The following MBNL2 variants were observed in gnomAD, a reference collection of about 807,000 sequenced individuals.
MBNL2 encodes the protein muscleblind-like protein 2.
A neutral mutation model predicts 41.9 loss-of-function variants in MBNL2; 17 were observed. The ratio of observed to expected loss-of-function variants is 0.41; its 90% CI spans 0.28 to 0.61. The LOEUF (loss-of-function observed/expected upper bound fraction) is 0.61. MBNL2 is among the 20% of genes least tolerant of loss of function. The pLI, the probability that MBNL2 is intolerant of heterozygous loss-of-function variation, is 0.35. For synonymous variants in MBNL2, 195 were observed against 182.9 expected (o/e 1.07, Z -0.53); for missense variants, 336 against 505.6 (o/e 0.66, Z 3.22).
the MBNL2 span, among the ~76,000 whole-genome samples, chr13:97,163,081 A>C: frequency 6.6e-6 from 1 of 152,300 alleles, no homozygotes; most frequent in African/African-American, 2.4e-5. Flanking sequence ...AACAACACCA[A>C]CAACAAAGAA....
At chr13:97,369,963 T>G (rs192791667) in intron 8 of MBNL2, among the ~76,000 whole-genome samples, 75 of 152,272 alleles carry the variant, frequency 4.9e-4, no homozygotes, top group African/African-American at 1.7e-3. Context: ...CTAATAGTAA[T>G]AATATTATTA....
In MBNL2 at chr13:97,346,034, GATTA is replaced by G. The variant is rs1290146587; in HGVS notation, c.541-762_541-759del. On this transcript the variant is annotated intron_variant, in intron 4 of 8. Coordinates refer to ENST00000679496, the MANE Select transcript of MBNL2 (RefSeq NM_001382683.1). The surrounding 1 kb of genome is among the most constrained non-coding windows in gnomAD (Gnocchi z 4.2). ...AGGTAGGTAACTAGATTAGATAGAT[GATTA>G]ATTAATTGATAGATTTTAGATAGAT... Among the ~76,000 whole-genome samples the G allele has an allele frequency of 2.0e-5, 3 of 152,092 alleles. No homozygotes were observed. Among genetic ancestry groups the G allele is most frequent in the Non-Finnish European group, 2.9e-5 (2 of 68,020 alleles).
chr13:97,186,237 G>A, the MBNL2 span, among the ~76,000 whole-genome samples: 7 of 152,120 alleles, frequency 4.6e-5, no homozygotes, highest in Admixed American at 1.3e-4. Context: ...GCATGCTACC[G>A]TAGATGCTTA....
At chr13:97,156,518 T>G in the MBNL2 span, among the ~76,000 whole-genome samples, 2 of 135,802 alleles carry the variant, frequency 1.5e-5, no homozygotes, top group African/African-American at 5.7e-5. Context: ...CTAGGGTTTT[T>G]ATGGTTTTAG....
chr13:97,376,561 C>CT (rs1213034116), intron 8 of MBNL2, among the ~76,000 whole-genome samples: 3 of 152,260 alleles, frequency 2.0e-5, no homozygotes, highest in Admixed American at 6.5e-5. Flanking sequence ...CCTATCATTG[C>CT]TCCCCTTGCT....
chr13:97,176,957 GA>G, the MBNL2 span, among the ~76,000 whole-genome samples: 29 of 151,872 alleles, frequency 1.9e-4, no homozygotes, highest in Middle Eastern at 3.4e-3. Context: ...TTGAAGGGCA[GA>G]AAAAAAATAT....
At chr13:97,161,788 T>G in the MBNL2 span, among the ~76,000 whole-genome samples, 16 of 152,210 alleles carry the variant, frequency 1.1e-4, no homozygotes, top group Non-Finnish European at 1.8e-4. Context: ...TGCCGTGAGC[T>G]GTACAGATTA....
At chr13:97,200,756 A>G in the MBNL2 span, among the ~76,000 whole-genome samples, 1 of 152,242 alleles carries the variant, frequency 6.6e-6, no homozygotes, top group South Asian at 2.1e-4. Flanking sequence ...AAATATTTTA[A>G]ACTAAGTAGG....
the MBNL2 span, among the ~76,000 whole-genome samples, chr13:97,201,053 T>C: frequency 6.6e-6 from 1 of 152,088 alleles, no homozygotes; most frequent in African/African-American, 2.4e-5. Flanking sequence ...CTCTCACTCA[T>C]CAAGCTAATG....
chr13:97,371,150 T>C (rs2064336615), intron 8 of MBNL2, among the ~76,000 whole-genome samples: 1 of 152,228 alleles, frequency 6.6e-6, no homozygotes, highest in Non-Finnish European at 1.5e-5. Context: ...ATTTGTTTAG[T>C]ATTTTTTATT....
chr13:97,186,112 T>C, the MBNL2 span, among the ~76,000 whole-genome samples: 1 of 152,212 alleles, frequency 6.6e-6, no homozygotes, highest in Non-Finnish European at 1.5e-5. Context: ...CCTGGGATTC[T>C]AGCCCAGGAA....
chr13:97,164,629 T>A, the MBNL2 span, among the ~76,000 whole-genome samples: 1 of 152,194 alleles, frequency 6.6e-6, no homozygotes, highest in Non-Finnish European at 1.5e-5. Flanking sequence ...GAAACTTTTT[T>A]TTTTTGGTAA....
chr13:97,343,620 G>A (rs889421656), intron 4 of MBNL2, among the ~76,000 whole-genome samples: 5 of 152,140 alleles, frequency 3.3e-5, no homozygotes, highest in African/African-American at 1.2e-4. Flanking sequence ...AGCAACCAGG[G>A]CAGCCGAGGA....
chr13:97,194,956 A>G, the MBNL2 span, among the ~76,000 whole-genome samples: 2 of 152,224 alleles, frequency 1.3e-5, no homozygotes, highest in Non-Finnish European at 1.5e-5. Context: ...ATCAAAAAGT[A>G]ACCATAAAAA....
At chr13:97,316,143 C>T (rs1256615958) in intron 2 of MBNL2, among the ~76,000 whole-genome samples, 5 of 152,156 alleles carry the variant, frequency 3.3e-5, no homozygotes, top group Non-Finnish European at 5.9e-5. Flanking sequence ...TTCTGCACCT[C>T]GACTGATGAC....
chr13:97,364,964 G>A (rs1040768127), intron 7 of MBNL2, among the ~76,000 whole-genome samples, 172 bp from the exon 8 acceptor site: 2 of 152,200 alleles, frequency 1.3e-5, no homozygotes, highest in Non-Finnish European at 2.9e-5. Flanking sequence ...CTTAAAATAA[G>A]TCAGATATAT....
chr13:97,339,376 A>G (rs1363216989), intron 3 of MBNL2, among the ~76,000 whole-genome samples: 2 of 152,000 alleles, frequency 1.3e-5, no homozygotes, highest in Non-Finnish European at 2.9e-5. Context: ...GGGAAGGTGG[A>G]GTAGAGAACA....
the MBNL2 span, among the ~76,000 whole-genome samples, chr13:97,186,399 A>G: frequency 6.6e-6 from 1 of 151,534 alleles, no homozygotes; most frequent in Non-Finnish European, 1.5e-5. Context: ...TGTACACTCT[A>G]TTTTCCTGCT....
chr13:97,201,462 A>G, the MBNL2 span, among the ~76,000 whole-genome samples: 1 of 152,204 alleles, frequency 6.6e-6, no homozygotes, highest in Non-Finnish European at 1.5e-5. Context: ...TGGATTGATA[A>G]ATGGATGGAT....
Sources: gnomAD v4.1 joint callset for allele counts (sites outside exome capture counted in the v4.1 genomes callset) on GRCh38, gnomAD v4.1.1 for gene constraint, Gnocchi (gnomAD v3.1) non-coding constraint, MANE v1.5 for transcripts, NCBI Gene and HGNC (gene_info 2026-07-23, HGNC 2026-07-21) for gene names.